The following KCNIP4 variants were observed in gnomAD, a reference collection of about 807,000 sequenced individuals.
KCNIP4 encodes potassium voltage-gated channel interacting protein 4.
Under a neutral mutation model 34.0 loss-of-function variants are expected in KCNIP4, and 12 were observed. The ratio of observed to expected loss-of-function variants is 0.35; its 90% confidence interval spans 0.23 to 0.57. The LOEUF (loss-of-function observed/expected upper bound fraction) is 0.57. Among genes scored for constraint, KCNIP4 ranks in the 20% least tolerant of loss-of-function variants. KCNIP4 has a pLI of 0.83. For synonymous variants in KCNIP4, 124 were observed against 102.2 expected, an observed-to-expected ratio of 1.21 and a Z score of -1.29; for missense variants, 238 against 311.7, an observed-to-expected ratio of 0.76 and a Z score of 1.78.
chr4:21,072,592 G>C (rs1478878625), intron 1 of KCNIP4, among the ~76,000 whole-genome samples: 1 of 151,906 alleles, frequency 6.6e-6, no homozygotes, highest in East Asian at 1.9e-4. Flanking sequence ...CCATTCTATA[G>C]GTTGCCTGTT....
At chr4:21,768,399 C>T (rs1178535762) in intron 1 of KCNIP4, among the ~76,000 whole-genome samples, 1 of 151,976 alleles carries the variant, frequency 6.6e-6, no homozygotes, top group Non-Finnish European at 1.5e-5. Flanking sequence ...AAGGTAAATT[C>T]CGATTTAAGT....
At chr4:21,720,579 C>T (rs971985781) in intron 1 of KCNIP4, among the ~76,000 whole-genome samples, 6 of 146,092 alleles carry the variant, frequency 4.1e-5, no homozygotes, top group African/African-American at 1.3e-4. Context: ...ATGTGCACAA[C>T]GTGCAGGTTT....
intron 2 of KCNIP4, among the ~76,000 whole-genome samples, chr4:20,881,082 T>A (rs900220455): frequency 6.6e-6 from 1 of 152,240 alleles, no homozygotes; most frequent in African/African-American, 2.4e-5. Context: ...GTTTTTAATC[T>A]GTTTTAGTCA....
At chr4:21,336,981 G>T (rs2109337537) in intron 1 of KCNIP4, among the ~76,000 whole-genome samples, 1 of 152,136 alleles carries the variant, frequency 6.6e-6, no homozygotes, top group East Asian at 2.0e-4. Flanking sequence ...TCACCAAGCA[G>T]ATTGAATGAG....
rs141429011 is a variant in KCNIP4 at position 20,984,001 on chromosome 4, G to A, written c.62-101292C>T. On this transcript the variant is annotated intron_variant, in intron 1 of 8. Coordinates refer to ENST00000382152, the MANE Select transcript of KCNIP4 (RefSeq NM_025221.6). ...GAGTTAATTACAGAATCGTAGCAACGTCAGGCTTGGAACAAAGACTTGCAA... is the reference window on the plus strand; with the variant it reads ...GAGTTAATTACAGAATCGTAGCAACATCAGGCTTGGAACAAAGACTTGCAA... 6.7e-3 allele frequency: 10,197 copies of A among 1,517,042 alleles called. 51 individuals carry two copies. Among genetic ancestry groups the A allele is most frequent in the Non-Finnish European group, 8.3e-3 (9,453 of 1,138,608 alleles). The allele number at this position is 1,517,042 out of a possible 1,614,324, so 94.0% of individuals were successfully genotyped here.
chr4:20,918,440 T>C (rs1018167469), intron 1 of KCNIP4, among the ~76,000 whole-genome samples: 2 of 152,226 alleles, frequency 1.3e-5, no homozygotes, highest in Non-Finnish European at 2.9e-5. Context: ...TGTGGATTAA[T>C]GTCAAACCAG....
intron 1 of KCNIP4, among the ~76,000 whole-genome samples, chr4:21,365,616 A>C (rs1326969950): frequency 6.6e-6 from 1 of 151,914 alleles, no homozygotes. Context: ...TTTACATGTG[A>C]TTTATTTGAA....
chr4:20,925,785 G>A (rs931617516), intron 1 of KCNIP4, among the ~76,000 whole-genome samples: 9 of 152,060 alleles, frequency 5.9e-5, no homozygotes, highest in African/African-American at 2.2e-4. Context: ...CGTGGCAGGA[G>A]GACACAAAAC....
intron 1 of KCNIP4, among the ~76,000 whole-genome samples, chr4:21,461,000 T>C (rs529227626): frequency 7.2e-5 from 11 of 152,140 alleles, no homozygotes; most frequent in Admixed American, 3.9e-4. Context: ...CTATAACAAA[T>C]TGACAATGCT....
intron 1 of KCNIP4, among the ~76,000 whole-genome samples, chr4:21,093,878 C>G (rs369882172): frequency 2.6e-5 from 4 of 152,126 alleles, no homozygotes; most frequent in South Asian, 2.1e-4. Flanking sequence ...GTGAGGAGAT[C>G]GAGACCATCC....
intron 1 of KCNIP4, among the ~76,000 whole-genome samples, chr4:21,240,133 C>T (rs532366175): frequency 2.9e-4 from 43 of 147,496 alleles, no homozygotes; most frequent in African/African-American, 1.1e-3. Context: ...GACAAAAAAC[C>T]AAACACCGCA....
intron 3 of KCNIP4, among the ~76,000 whole-genome samples, chr4:20,797,747 C>A (rs769321135): frequency 6.6e-6 from 1 of 152,096 alleles, no homozygotes. Flanking sequence ...AAGAGCAGTC[C>A]CTGGCTGTGG....
At chr4:21,553,142 G>A (rs201745735) in intron 1 of KCNIP4, among the ~76,000 whole-genome samples, 1 of 104,916 alleles carries the variant, frequency 9.5e-6, no homozygotes, top group Non-Finnish European at 2.0e-5. Context: ...AAAGCTTAAA[G>A]GGGGGGGTCA....
chr4:21,427,924 T>C (rs894057719), intron 1 of KCNIP4, among the ~76,000 whole-genome samples: 1 of 152,232 alleles, frequency 6.6e-6, no homozygotes, highest in Admixed American at 6.5e-5. Flanking sequence ...AGCTGTAGGC[T>C]GATTTTCATG....
rs573274577 is a variant in KCNIP4 at position 20,944,641 on chromosome 4, T to C, written c.62-61932A>G. Among the ~76,000 whole-genome samples, 8 of 152,290 alleles carry C rather than the reference T, an allele frequency of 5.3e-5. No individual in the cohort carries two copies. The East Asian group carries it at 1.6e-3, about 30-fold the overall frequency. Reference sequence around the variant, plus strand: ...GCAGAGACAAAGAAGGTTTGCGGGTTTGCCTGGCAGCTTGCCCGAGGCTTT... The same window carrying C: ...GCAGAGACAAAGAAGGTTTGCGGGTCTGCCTGGCAGCTTGCCCGAGGCTTT... On this transcript the variant is annotated intron_variant, in intron 1 of 8. Transcript: ENST00000382152.
intron 1 of KCNIP4, among the ~76,000 whole-genome samples, chr4:21,561,110 C>G (rs952071761): frequency 3.3e-5 from 5 of 151,998 alleles, no homozygotes; most frequent in African/African-American, 1.2e-4. Flanking sequence ...TGCTTTGCCA[C>G]AGCTGGAGTC....
chr4:21,736,222 T>C (rs970195494), intron 1 of KCNIP4, among the ~76,000 whole-genome samples: 2 of 152,128 alleles, frequency 1.3e-5, no homozygotes, highest in East Asian at 1.9e-4. Flanking sequence ...CACTGAGATT[T>C]TGGGGGTTAC....
chr4:21,910,827 C>T (rs779602454), intron 1 of KCNIP4, among the ~76,000 whole-genome samples: 3 of 152,074 alleles, frequency 2.0e-5, no homozygotes, highest in Non-Finnish European at 4.4e-5. Flanking sequence ...TAGATTTGAA[C>T]TTGAGTTTGC....
chr4:20,981,456 T>C (rs1736055357), intron 1 of KCNIP4, among the ~76,000 whole-genome samples: 2 of 152,226 alleles, frequency 1.3e-5, no homozygotes, highest in South Asian at 4.1e-4. Context: ...AAAATTCCCA[T>C]GTGCATTTTC....
Sources: allele counts gnomAD v4.1 joint callset (sites outside exome capture counted in the v4.1 genomes callset), GRCh38; gene constraint gnomAD v4.1.1; transcripts MANE v1.5; gene names NCBI Gene and HGNC (gene_info 2026-07-23, HGNC 2026-07-21).